The following COG6 variants were observed in gnomAD, a reference collection of about 807,000 sequenced individuals.
The protein encoded by COG6 is conserved oligomeric Golgi complex subunit 6.
COG6 carries 74 observed loss-of-function variants against 88.8 expected under a neutral mutation model. That is an observed-to-expected ratio of 0.83 (90% CI 0.69 to 1.01). COG6 has a LOEUF of 1.01. COG6 is among the 50% of genes least tolerant of loss of function. The pLI, the probability that COG6 is intolerant of heterozygous loss-of-function variation, is 0.00. For missense variants in COG6, 800 were observed against 797.9 expected (o/e 1.00, Z -0.03); for synonymous variants, 286 against 278.7 (o/e 1.03, Z -0.26).
chr13:39,752,885 T>A (rs1471759629), downstream of COG6, among the ~76,000 whole-genome samples: 1 of 152,224 alleles, frequency 6.6e-6, no homozygotes, highest in East Asian at 1.9e-4. Context: ...TCATTTGGCA[T>A]AAGTATAACC....
chr13:39,656,343 A>G, intron 1 of COG6: 1 of 357,600 alleles, frequency 2.8e-6, no homozygotes, highest in South Asian at 2.1e-5. Flanking sequence ...TCCACGGACA[A>G]GTGACAACAA....
intron 18 of COG6, among the ~76,000 whole-genome samples, chr13:39,745,401 A>G (rs1053149428): frequency 5.3e-5 from 8 of 152,194 alleles, no homozygotes; most frequent in African/African-American, 1.9e-4. Context: ...ACAAGAAAAA[A>G]AACCATCAAA....
intron 4 of COG6, among the ~76,000 whole-genome samples, chr13:39,669,107 A>G (rs144009863): frequency 1.7e-3 from 264 of 152,298 alleles, no homozygotes; most frequent in African/African-American, 6.1e-3. Flanking sequence ...CATGTGGGAG[A>G]TGGTTGACTC....
intron 18 of COG6, among the ~76,000 whole-genome samples, chr13:39,787,002 T>C (rs1346226023): frequency 1.3e-5 from 2 of 152,218 alleles, no homozygotes; most frequent in Non-Finnish European, 2.9e-5. Context: ...GATTGCTTAC[T>C]GGAAGGGATT....
intron 15 of COG6, among the ~76,000 whole-genome samples, chr13:39,722,795 C>T (rs754929285): frequency 2.0e-5 from 3 of 152,032 alleles, no homozygotes; most frequent in Non-Finnish European, 4.4e-5. Context: ...TAGGCAGTTC[C>T]TGAACCTGAA....
chr13:39,751,058 CG>C lies in COG6; in HGVS notation c.1940del (p.Arg647HisfsTer19). ...EYKDPENILH[R>X]SPQQVQTLLS ...CAAAGATCCAGAGAACATTCTTCACCGATCGCCGCAGCAAGTGCAGACGCTT... is the reference window on the plus strand; with the variant it reads ...CAAAGATCCAGAGAACATTCTTCACCATCGCCGCAGCAAGTGCAGACGCTT... On this transcript the variant is annotated frameshift_variant, in exon 19 of 19. Transcript: ENST00000455146. LOFTEE classifies it high-confidence loss of function. 6.2e-7 allele frequency: 1 copy of C among 1,613,626 alleles called. No homozygotes were observed. Among genetic ancestry groups the C allele is most frequent in the Non-Finnish European group, 8.5e-7 (1 of 1,179,778 alleles).
chr13:39,724,986 A>C (rs1879055613), intron 17 of COG6, among the ~76,000 whole-genome samples: 1 of 151,918 alleles, frequency 6.6e-6, no homozygotes, highest in Admixed American at 6.6e-5. Flanking sequence ...CTTTAGTTTG[A>C]GACTCACTGA....
chr13:39,757,362 G>C (rs1410422041), downstream of COG6, among the ~76,000 whole-genome samples: 1 of 151,886 alleles, frequency 6.6e-6, no homozygotes, highest in Non-Finnish European at 1.5e-5. Flanking sequence ...CTACCTTAAA[G>C]AGAAAGAAAT....
At chr13:39,698,902 A>T (rs1877420667) in intron 12 of COG6, among the ~76,000 whole-genome samples, 4 of 151,836 alleles carry the variant, frequency 2.6e-5, no homozygotes, top group Admixed American at 1.3e-4. Context: ...GGGTCTAAGA[A>T]ATAGCCTTAT....
chr13:39,743,057 G>A (rs555025341), intron 18 of COG6, among the ~76,000 whole-genome samples: 1 of 152,310 alleles, frequency 6.6e-6, no homozygotes, highest in East Asian at 1.9e-4. Flanking sequence ...TGAAACTAAT[G>A]AGAACAAAGA....
At chr13:39,725,391 TACTC>T (rs1356314659) in intron 17 of COG6, among the ~76,000 whole-genome samples, 4 of 151,918 alleles carry the variant, frequency 2.6e-5, no homozygotes, top group African/African-American at 9.7e-5. Flanking sequence ...GTATTTAAAA[TACTC>T]ACGTATACTC....
intron 12 of COG6, among the ~76,000 whole-genome samples, chr13:39,697,978 A>C (rs554404989): frequency 5.3e-5 from 8 of 152,146 alleles, no homozygotes; most frequent in African/African-American, 1.9e-4. Flanking sequence ...CATCTTCTAC[A>C]TCAGGGAATT....
intron 13 of COG6, among the ~76,000 whole-genome samples, chr13:39,703,797 G>A (rs898591118): frequency 7.9e-5 from 12 of 151,916 alleles, no homozygotes; most frequent in Non-Finnish European, 1.6e-4. Flanking sequence ...TGTTGCCCAG[G>A]ATCGTAGCTC....
intron 11 of COG6, 100 bp downstream of exon 11, chr13:39,689,924 A>G (rs1282026330): frequency 2.7e-6 from 2 of 748,578 alleles, no homozygotes; most frequent in Non-Finnish European, 4.6e-6. Context: ...AATACAATCT[A>G]TAATTTTTTC....
intron 18 of COG6, among the ~76,000 whole-genome samples, chr13:39,743,848 T>A (rs1472143615): frequency 1.3e-5 from 2 of 151,498 alleles, no homozygotes; most frequent in Non-Finnish European, 2.9e-5. Flanking sequence ...GATGCAAAAA[T>A]CCTCAATAAA....
chr13:39,679,872 A>C (rs2137987835), intron 6 of COG6, 103 bp from the exon 7 acceptor site: 1 of 710,096 alleles, frequency 1.4e-6, no homozygotes, highest in South Asian at 1.7e-5. Flanking sequence ...TAAAATGATA[A>C]AAAGTTAATA....
chr13:39,733,379 C>T (rs1177715159), intron 18 of COG6, among the ~76,000 whole-genome samples: 4 of 151,680 alleles, frequency 2.6e-5, no homozygotes, highest in African/African-American at 4.8e-5. Flanking sequence ...TTAGTAGAGA[C>T]GGGGTTTCAC....
chr13:39,673,190 A>T (rs1875755056), intron 4 of COG6, among the ~76,000 whole-genome samples: 1 of 151,934 alleles, frequency 6.6e-6, no homozygotes, highest in South Asian at 2.1e-4. Flanking sequence ...GGTTATCTTC[A>T]CATTCGTGAT....
At chr13:39,785,663 C>T (rs2138192882) in intron 18 of COG6, among the ~76,000 whole-genome samples, 1 of 152,340 alleles carries the variant, frequency 6.6e-6, no homozygotes, top group South Asian at 2.1e-4. Flanking sequence ...TTTACCCTAA[C>T]AGGTATTTCT....
Sources: gnomAD v4.1 joint callset for allele counts (sites outside exome capture counted in the v4.1 genomes callset) on GRCh38, gnomAD v4.1.1 for gene constraint, MANE v1.5 for transcripts, NCBI Gene and HGNC (gene_info 2026-07-23, HGNC 2026-07-21) for gene names.